The following DMD variants were observed in gnomAD, a reference collection of about 807,000 sequenced individuals.
DMD encodes the protein dystrophin.
A neutral mutation model predicts 330.1 loss-of-function variants in DMD; 63 were observed. That is an observed-to-expected ratio of 0.19 (90% CI 0.16 to 0.24). The LOEUF (loss-of-function observed/expected upper bound fraction) is 0.24. Ranked by LOEUF, DMD falls within the 10% of genes least tolerant of loss-of-function variation. The probability of loss-of-function intolerance (pLI) is 1.00; values close to 1 mark genes in which losing one functional copy is unlikely to be tolerated. For missense variants in DMD, 3,344 were observed against 2,684.1 expected, an observed-to-expected ratio of 1.25 and a Z score of -5.43; for synonymous variants, 1,223 against 959.8, an observed-to-expected ratio of 1.27 and a Z score of -5.07.
At chrX:33,118,524 T>C (rs1472258007) in intron 1 of DMD, among the ~76,000 whole-genome samples, 3 of 112,101 alleles carry the variant, frequency 2.7e-5, no homozygotes, top group Non-Finnish European at 5.6e-5. Flanking sequence ...AAGCACTGGA[T>C]AGGACAAACT....
chrX:33,262,267 A>G (rs2052970729), intron 1 of DMD, among the ~76,000 whole-genome samples: 1 of 111,564 alleles, frequency 9.0e-6, no homozygotes, highest in Non-Finnish European at 1.9e-5. Flanking sequence ...ACTAATGAAG[A>G]ATTCATCCAG....
chrX:31,291,482 C>T, intron 62 of DMD, among the ~76,000 whole-genome samples: 2 of 111,708 alleles, frequency 1.8e-5, no homozygotes, highest in Non-Finnish European at 1.9e-5. Flanking sequence ...GCAGGCTAGC[C>T]CCTCTGTTGG....
chrX:32,068,931 A>C (rs2096277918), intron 44 of DMD, among the ~76,000 whole-genome samples: 1 of 111,323 alleles, frequency 9.0e-6, no homozygotes, highest in Admixed American at 9.6e-5. Context: ...TTGACCTGAC[A>C]ACTGGGTAGA....
At position 32,085,602 on chromosome X, in the gene DMD, ATGTG is replaced by A. The variant is rs1569541127; in HGVS notation, c.6439-117092_6439-117089del. Among the ~76,000 whole-genome samples the A allele has an allele frequency of 3.2e-3, 296 of 93,584 alleles. 6 individuals carry two copies. Among genetic ancestry groups the A allele is most frequent in the African/African-American group, 0.011 (275 of 25,162 alleles). The allele number at this position is 93,584 out of a possible 115,157, so 81.3% of individuals were successfully genotyped here. ...TATACACACACACATATATGTATAT[ATGTG>A]TATATATATACGTATATATATACAC... On this transcript the variant is annotated intron_variant, in intron 44 of 78. Coordinates refer to ENST00000357033, the MANE Select transcript of DMD (RefSeq NM_004006.3).
intron 55 of DMD, among the ~76,000 whole-genome samples, chrX:31,571,066 T>C (rs1449200811): frequency 2.7e-5 from 3 of 111,914 alleles, no homozygotes; most frequent in Admixed American, 9.5e-5. Flanking sequence ...AACAGACTCA[T>C]GCCATTTGTA....
Position 32,659,099 on chromosome X carries a change from A to T in DMD, c.961-13947T>A, listed in dbSNP as rs996614199. Among the ~76,000 whole-genome samples the T allele has an allele frequency of 8.0e-4, 90 of 112,057 alleles. 1 individual carries two copies. The highest frequency in any genetic ancestry group is 2.8e-3 in the African/African-American group (85 of 30,852). Reference sequence around the variant, plus strand: ...TAGTGCAACCCAGAATAGAGAACTAACAACAATAAAGAGGAGTTTGGTTCA... The same window carrying T: ...TAGTGCAACCCAGAATAGAGAACTATCAACAATAAAGAGGAGTTTGGTTCA... On this transcript the variant is annotated intron_variant, in intron 9 of 78. Transcript: ENST00000357033.
Position 31,478,204 on chromosome X carries a change from C to A in DMD, c.8839G>T (p.Asp2947Tyr). 1 of 1,211,187 alleles carries A rather than the reference C, an allele frequency of 8.3e-7. No homozygotes were observed. Among genetic ancestry groups the A allele is most frequent in the South Asian group, 1.8e-5 (1 of 56,902 alleles). Residue 2947 changes from aspartate to tyrosine, a missense_variant, in exon 59 of 79, where the codon GAC becomes TAC. Coordinates refer to ENST00000357033, the MANE Select transcript of DMD (RefSeq NM_004006.3). ...RELQEATDEL[D>Y]LKLRQAEVIK... ...ACCTCAGCTTGGCGCAGCTTGAGGT[C>A]CAGCTCATCCGTGGCCTCTTGAAGT... is the stretch of plus-strand genomic sequence containing the variant.
intron 20 of DMD, among the ~76,000 whole-genome samples, chrX:32,487,199 ATTCTCTACATAAATGTT>A (rs1418290334): frequency 8.9e-6 from 1 of 111,777 alleles, no homozygotes; most frequent in Non-Finnish European, 1.9e-5. Flanking sequence ...AGGGCATGCT[ATTCTCTACATAAATGTT>A]TTCATGTTCT....
rs1010527437 is a variant in DMD, at chrX:31,937,091, A to G, written c.6615-4864T>C. Among the ~76,000 whole-genome samples the G allele has an allele frequency of 5.4e-5, 6 of 111,623 alleles. No homozygotes were observed. In the South Asian group the frequency reaches 1.5e-3, roughly 27 times the overall value. ...CAAATTATAAAACAATTCTCGCTGAAAATTTTTAAATGGGATTGCATTATA... is the reference window on the plus strand; with the variant it reads ...CAAATTATAAAACAATTCTCGCTGAGAATTTTTAAATGGGATTGCATTATA... On this transcript the variant is annotated intron_variant, in intron 45 of 78. Transcript: ENST00000357033.
At chrX:32,141,215 TAG>T (rs2096750723) in intron 44 of DMD, among the ~76,000 whole-genome samples, 1 of 107,044 alleles carries the variant, frequency 9.3e-6, no homozygotes, top group Admixed American at 1.0e-4. Context: ...GACTTGAGGC[TAG>T]GAGTTCGAGA....
At chrX:32,643,810 T>C (rs2059621292) in intron 11 of DMD, among the ~76,000 whole-genome samples, 1 of 111,880 alleles carries the variant, frequency 8.9e-6, no homozygotes, top group African/African-American at 3.2e-5. Flanking sequence ...CACAATCTCC[T>C]GTGCATGCTT....
chrX:31,185,742 C>G (rs2041704149), intron 67 of DMD, among the ~76,000 whole-genome samples: 1 of 108,876 alleles, frequency 9.2e-6, no homozygotes, highest in Admixed American at 1.0e-4. Flanking sequence ...TCTTTTTCCA[C>G]CTTGATTTCT....
intron 47 of DMD, among the ~76,000 whole-genome samples, chrX:31,881,058 T>C (rs946224137): frequency 2.7e-5 from 3 of 111,430 alleles, no homozygotes; most frequent in Non-Finnish European, 5.6e-5. Flanking sequence ...TGCGTGTTTG[T>C]GTTTTACTTT....
intron 62 of DMD, among the ~76,000 whole-genome samples, chrX:31,306,818 G>A (rs1206873816): frequency 9.0e-6 from 1 of 111,461 alleles, no homozygotes; most frequent in African/African-American, 3.3e-5. Context: ...GTTCACGATG[G>A]AACTAAAAGT....
At chrX:32,642,782 GA>G (rs2059552038) in intron 11 of DMD, among the ~76,000 whole-genome samples, 1 of 111,297 alleles carries the variant, frequency 9.0e-6, no homozygotes. Context: ...GGGAGTGTAA[GA>G]AAAATGAGAG....
chrX:32,691,977 T>G (rs2063314566), intron 9 of DMD, among the ~76,000 whole-genome samples: 1 of 107,951 alleles, frequency 9.3e-6, no homozygotes, highest in Non-Finnish European at 1.9e-5. Context: ...AATCAGAGAG[T>G]GAAATAGTAG....
chrX:32,793,719 T>C (rs925009099), intron 7 of DMD, among the ~76,000 whole-genome samples: 4 of 111,301 alleles, frequency 3.6e-5, no homozygotes, highest in Non-Finnish European at 7.5e-5. Flanking sequence ...AAATAGAAAA[T>C]CTGAACAGAT....
intron 60 of DMD, among the ~76,000 whole-genome samples, chrX:31,426,810 C>G (rs1236761496): frequency 8.9e-6 from 1 of 112,108 alleles, no homozygotes; most frequent in Non-Finnish European, 1.9e-5. Flanking sequence ...GGCATGAAAG[C>G]AGGAACAATT....
At chrX:33,218,494 T>C (rs1289327305) in intron 1 of DMD, among the ~76,000 whole-genome samples, 2 of 111,073 alleles carry the variant, frequency 1.8e-5, no homozygotes, top group African/African-American at 6.6e-5. Context: ...TTTTTGCCTA[T>C]AGATAAAGTG....
Sources: allele counts gnomAD v4.1 joint callset (sites outside exome capture counted in the v4.1 genomes callset), GRCh38; gene constraint gnomAD v4.1.1; transcripts MANE v1.5; gene names NCBI Gene and HGNC (gene_info 2026-07-23, HGNC 2026-07-21).